RICTOR: variants seen among roughly 807,000 people sequenced by gnomAD.
RICTOR encodes rapamycin-insensitive companion of mTOR.
A neutral mutation model predicts 214.9 loss-of-function variants in RICTOR; 49 were observed. The observed-to-expected ratio is 0.23, with a 90% CI of 0.18 to 0.29. The LOEUF is 0.29. RICTOR is among the 10% of genes least tolerant of loss of function. The probability of loss-of-function intolerance (pLI) is 1.00; values close to 1 mark genes in which losing one functional copy is unlikely to be tolerated. For synonymous variants in RICTOR, 717 were observed against 711.3 expected, an observed-to-expected ratio of 1.01 and a Z score of -0.13; for missense variants, 1,625 against 2,047.0, an observed-to-expected ratio of 0.79 and a Z score of 3.98.
At chr5:38,982,805 CAT>C (rs10563872) in intron 7 of RICTOR, among the ~76,000 whole-genome samples, 145,145 of 151,076 alleles carry the variant, frequency 0.96, 69,814 homozygotes, top group East Asian at 0.99. Context: ...TATACACATA[CAT>C]ATATATATAT....
At chr5:39,052,803 A>G (rs1389731087) in intron 2 of RICTOR, among the ~76,000 whole-genome samples, 1 of 152,056 alleles carries the variant, frequency 6.6e-6, no homozygotes, top group Non-Finnish European at 1.5e-5. Context: ...AAATTAAGTG[A>G]TCTCTTATCA....
intron 2 of RICTOR, among the ~76,000 whole-genome samples, chr5:39,054,104 T>A (rs1400127381): frequency 1.3e-5 from 2 of 151,798 alleles, no homozygotes; most frequent in Non-Finnish European, 2.9e-5. Context: ...AAGAATAGGT[T>A]AAAAAAAGGT....
At chr5:39,056,107 G>A (rs994530601) in intron 2 of RICTOR, among the ~76,000 whole-genome samples, 1 of 152,140 alleles carries the variant, frequency 6.6e-6, no homozygotes, top group African/African-American at 2.4e-5. Flanking sequence ...ACATGGTTAC[G>A]ATGCTGAGTA....
chr5:39,036,282 C>G (rs6881514), intron 2 of RICTOR, among the ~76,000 whole-genome samples: 24,415 of 152,088 alleles, frequency 0.16, 2,098 homozygotes, highest in Middle Eastern at 0.22. Context: ...ATTTTGTCAC[C>G]ACCAGGCCTG....
chr5:38,970,076 C>T (rs905063676), intron 11 of RICTOR: 1 of 152,134 alleles, frequency 6.6e-6, no homozygotes, highest in Non-Finnish European at 1.5e-5. Context: ...AGTACAGTAA[C>T]ATGCTATACA....
intron 7 of RICTOR, among the ~76,000 whole-genome samples, chr5:38,988,674 G>A (rs1752354638): frequency 6.6e-6 from 1 of 152,066 alleles, no homozygotes; most frequent in East Asian, 1.9e-4. Context: ...CAAAGTCTCA[G>A]GATACAAAAT....
At chr5:39,040,460 G>C (rs189877414) in intron 2 of RICTOR, among the ~76,000 whole-genome samples, 1 of 151,872 alleles carries the variant, frequency 6.6e-6, no homozygotes. Flanking sequence ...AAAACTTAAA[G>C]TATAACAATC....
chr5:39,059,209 T>C (rs1046603007), intron 2 of RICTOR, among the ~76,000 whole-genome samples: 3 of 152,112 alleles, frequency 2.0e-5, no homozygotes, highest in African/African-American at 7.2e-5. Context: ...CAACAGAGCA[T>C]ACACTCTTGT....
At chr5:38,967,884 G>A in intron 12 of RICTOR, 59 bp downstream of exon 12, 2 of 835,592 alleles carry the variant, frequency 2.4e-6, no homozygotes, top group Non-Finnish European at 4.0e-6. Flanking sequence ...TTTAGGAACT[G>A]TCTCCATTAA....
At chr5:39,026,985 G>A (rs1393976825) in intron 2 of RICTOR, among the ~76,000 whole-genome samples, 1 of 151,960 alleles carries the variant, frequency 6.6e-6, no homozygotes, top group East Asian at 1.9e-4. Flanking sequence ...TCCAGCCTGG[G>A]CAACAAGAGC....
intron 7 of RICTOR, among the ~76,000 whole-genome samples, chr5:38,990,145 G>A (rs950204497): frequency 6.6e-6 from 1 of 152,092 alleles, no homozygotes; most frequent in African/African-American, 2.4e-5. Flanking sequence ...TATACACCAT[G>A]GAATACTATG....
At chr5:38,999,431 G>T (rs918322725) in intron 5 of RICTOR, among the ~76,000 whole-genome samples, 1 of 152,048 alleles carries the variant, frequency 6.6e-6, no homozygotes, top group Admixed American at 6.5e-5. Context: ...TGAAAAATAA[G>T]TAACTGGTAG....
intron 3 of RICTOR, among the ~76,000 whole-genome samples, chr5:39,018,383 T>G (rs1176706182): frequency 6.6e-6 from 1 of 152,166 alleles, no homozygotes; most frequent in Non-Finnish European, 1.5e-5. Context: ...TATGAATACT[T>G]ACAAGCATAC....
chr5:38,974,814 G>GA (rs1751074624), intron 10 of RICTOR, among the ~76,000 whole-genome samples: 1 of 152,180 alleles, frequency 6.6e-6, no homozygotes, highest in Non-Finnish European at 1.5e-5. Flanking sequence ...GTAAACATTT[G>GA]TATGGAAAAG....
chr5:38,991,253 A>G (rs1752753850), intron 6 of RICTOR, among the ~76,000 whole-genome samples, 178 bp from the exon 7 acceptor site: 1 of 152,180 alleles, frequency 6.6e-6, no homozygotes, highest in African/African-American at 2.4e-5. Flanking sequence ...TTGATGTAAC[A>G]AATGTTAATA....
At chr5:38,996,576 T>G (rs950377270) in intron 6 of RICTOR, among the ~76,000 whole-genome samples, 1 of 152,194 alleles carries the variant, frequency 6.6e-6, no homozygotes, top group Non-Finnish European at 1.5e-5. Flanking sequence ...GGAAGAAATA[T>G]TCTTCAAAAT....
At chr5:39,001,174 T>G (rs1753585549) in intron 5 of RICTOR, among the ~76,000 whole-genome samples, 1 of 151,946 alleles carries the variant, frequency 6.6e-6, no homozygotes, top group South Asian at 2.1e-4. Context: ...TAGACTCACA[T>G]TAACAGATAT....
At chr5:39,072,659 T>G (rs1759402027) in intron 2 of RICTOR, among the ~76,000 whole-genome samples, 1 of 152,218 alleles carries the variant, frequency 6.6e-6, no homozygotes, top group Non-Finnish European at 1.5e-5. Context: ...ATTTTTCACA[T>G]GTGTGTTATA....
chr5:38,966,578 A>C (rs748239820), intron 15 of RICTOR, 63 bp downstream of exon 15: 26 of 815,094 alleles, frequency 3.2e-5, no homozygotes, highest in Non-Finnish European at 5.4e-5. Context: ...TATTAAAATA[A>C]CTTGTTTTAT....
Sources: allele counts gnomAD v4.1 joint callset (sites outside exome capture counted in the v4.1 genomes callset), GRCh38; gene constraint gnomAD v4.1.1; transcripts MANE v1.5; gene names NCBI Gene and HGNC (gene_info 2026-07-23, HGNC 2026-07-21).